Variants in MACF1 observed in about 807,000 individuals in gnomAD.
MACF1 encodes the protein microtubule actin crosslinking factor 1.
A neutral mutation model predicts 854.8 loss-of-function variants in MACF1; 193 were observed. That is an observed-to-expected ratio of 0.23 (90% CI 0.20 to 0.25). MACF1 has a LOEUF of 0.25. Among genes scored for constraint, MACF1 ranks in the 10% least tolerant of loss-of-function variants. The pLI is 1.00. For missense variants in MACF1, 7,722 were observed against 8,929.1 expected (o/e 0.86, Z 5.45); for synonymous variants, 3,185 against 3,226.7 (o/e 0.99, Z 0.44).
At chr1:39,349,449 GT>G (rs1377107039) in intron 41 of MACF1, 28 bp from the exon 42 acceptor site, 1 of 1,569,564 alleles carries the variant, frequency 6.4e-7, no homozygotes, top group Admixed American at 2.0e-5. Context: ...ATTACGAAAT[GT>G]CTCTTGACCC....
chr1:39,368,060 C>T, intron 49 of MACF1, 88 bp from the exon 50 acceptor site: 15 of 1,010,650 alleles, frequency 1.5e-5, no homozygotes, highest in Non-Finnish European at 2.0e-5. Context: ...AGCATTTGAC[C>T]TGGCAAGCAT....
At chr1:39,381,401 T>G (rs1478266140) in intron 55 of MACF1, among the ~76,000 whole-genome samples, 2 of 140,304 alleles carry the variant, frequency 1.4e-5, no homozygotes, top group Admixed American at 1.5e-4. Context: ...AGGGTCTTGC[T>G]CTGTCACCCA....
intron 6 of MACF1, among the ~76,000 whole-genome samples, chr1:39,274,390 C>T (rs751061970): frequency 7.2e-5 from 11 of 152,144 alleles, no homozygotes; most frequent in Non-Finnish European, 8.8e-5. Context: ...CAACCCATAA[C>T]GGATGGAAAA....
At chr1:39,356,248 C>T (rs1647554541) in intron 44 of MACF1, among the ~76,000 whole-genome samples, 2 of 152,098 alleles carry the variant, frequency 1.3e-5, no homozygotes, top group Admixed American at 1.3e-4. Context: ...ATAAAAAGTA[C>T]AAATTACTTA....
intron 2 of MACF1, among the ~76,000 whole-genome samples, chr1:39,119,758 G>T (rs1471995619): frequency 6.6e-6 from 1 of 151,820 alleles, no homozygotes. Flanking sequence ...ATCCAGTGGA[G>T]AAATTCTAAA....
intron 23 of MACF1, among the ~76,000 whole-genome samples, chr1:39,306,846 G>C (rs796689979): frequency 2.0e-5 from 3 of 148,794 alleles, no homozygotes; most frequent in African/African-American, 7.4e-5. Flanking sequence ...TAACTGGCAA[G>C]ATACATTTTT....
Position 39,432,543 on chromosome 1 carries a change from A to C in MACF1, c.17346A>C (p.Gln5782His). The change falls in exon 67 of 101, where the codon CAA becomes CAC. Residue 5782 changes from glutamine to histidine, a missense_variant. By Grantham distance (24) the Gln-to-His change is conservative. This residue lies in a region of MACF1 where 2,807 missense variants were observed against 3,235.8 expected (regional missense o/e 0.87). Transcript: ENST00000564288. Reference sequence around the variant, plus strand: ...TTTAATACGTCTATTAGTATGAGCAAGCTGCCGATGCAGAACTAGCTTGGG... The same window carrying C: ...TTTAATACGTCTATTAGTATGAGCACGCTGCCGATGCAGAACTAGCTTGGG... ...AAIQRSQQYE[Q>H]AADAELAWVA... 6.2e-7 allele frequency: 1 copy of C among 1,614,088 alleles called. No homozygotes were observed. The highest frequency in any genetic ancestry group is 1.1e-5 in the South Asian group (1 of 91,086).
chr1:39,385,531 C>T lies in MACF1; in HGVS notation c.13946C>T (p.Ser4649Phe). The T allele has an allele frequency of 6.2e-7, 1 of 1,614,142 alleles. No homozygotes were observed. Among genetic ancestry groups the T allele is most frequent in the Non-Finnish European group, 8.5e-7 (1 of 1,180,020 alleles). ...ILTGPGDVSLSTSQVQKELQS... is the reference protein window; with the variant it reads ...ILTGPGDVSLFTSQVQKELQS... ...ACAGGCCCTGGAGATGTCTCTCTGT[C>T]CACCAGCCAAGTACAGAAAGAACTC... The change falls in exon 57 of 101, where the codon TCC becomes TTC. Residue 4649 changes from serine to phenylalanine, a missense_variant. Around this residue, in one of 15 missense-constraint regions of MACF1, gnomAD observed 2,807 missense variants for 3,235.8 expected, o/e 0.87. Transcript: ENST00000564288.
intron 26 of MACF1, among the ~76,000 whole-genome samples, chr1:39,312,539 T>C (rs1422223356): frequency 1.3e-5 from 2 of 152,140 alleles, no homozygotes; most frequent in Non-Finnish European, 2.9e-5. Flanking sequence ...TTAACATTGA[T>C]ACGGGTTGAG....
chr1:39,331,243 T>C lies in MACF1; in HGVS notation c.4655T>C (p.Val1552Ala), dbSNP rs961128762. Residue 1552 changes from valine (V) to alanine (A), a missense_variant, in exon 37 of 101, where the codon GTG becomes GCG. Physicochemically the swap from Val to Ala is moderately conservative, Grantham distance 64. This residue lies in a region of MACF1 where 1,531 missense variants were observed against 1,601.6 expected (regional missense o/e 0.96). Coordinates refer to ENST00000564288, the MANE Select transcript of MACF1 (RefSeq NM_001394062.1). ...GCTGGGGTGATTGACCTAGGCACAG[T>C]GGAGATATTTCCCATCTTCAAAGCC... Reference protein sequence around the residue: ...AVAGVIDLGTVEIFPIFKAMQ... With the variant: ...AVAGVIDLGTAEIFPIFKAMQ... The C allele has an allele frequency of 6.3e-7, 1 of 1,593,090 alleles. No individual in the cohort carries two copies. Among genetic ancestry groups the C allele is most frequent in the South Asian group, 1.1e-5 (1 of 90,654 alleles).
chr1:39,384,815 C>G (rs1412827991), intron 56 of MACF1, among the ~76,000 whole-genome samples: 1 of 152,150 alleles, frequency 6.6e-6, no homozygotes, highest in African/African-American at 2.4e-5. Context: ...TATTGCATGG[C>G]AAAGCAGATG....
chr1:39,129,366 A>G (rs188516434), intron 2 of MACF1, among the ~76,000 whole-genome samples: 8 of 152,294 alleles, frequency 5.3e-5, no homozygotes, highest in Non-Finnish European at 8.8e-5. Flanking sequence ...TAAAAACATA[A>G]ATATTAAAGG....
Position 39,285,322 on chromosome 1 carries a change from A to G in MACF1, c.1285A>G (p.Asn429Asp). ...GCTGGAATTGCTGCTACAGATTGCA[A>G]ACAAAATCCAGAATGGTGCTTTGAA... ...ERLELLLQIA[N>D]KIQNGALNCE... The change falls in exon 13 of 101, where the codon AAC (asparagine) becomes GAC (aspartate). Residue 429 changes from asparagine to aspartate, a missense_variant. Around this residue, in one of 15 missense-constraint regions of MACF1, gnomAD observed 1,137 missense variants for 1,263.0 expected, o/e 0.90. Coordinates refer to ENST00000564288, the MANE Select transcript of MACF1 (RefSeq NM_001394062.1). 1.9e-6 allele frequency: 3 copies of G among 1,614,180 alleles called. No homozygotes were observed. Among genetic ancestry groups the G allele is most frequent in the Non-Finnish European group, 2.5e-6 (3 of 1,180,028 alleles).
chr1:39,216,177 C>T (rs1280976619), intron 1 of MACF1, among the ~76,000 whole-genome samples: 3 of 152,148 alleles, frequency 2.0e-5, no homozygotes, highest in Non-Finnish European at 4.4e-5. Context: ...GTGTGTCTTT[C>T]ATAAAGCTAA....
intron 2 of MACF1, among the ~76,000 whole-genome samples, chr1:39,190,775 A>C (rs958816767): frequency 2.0e-5 from 3 of 152,032 alleles, no homozygotes; most frequent in African/African-American, 7.2e-5. Context: ...CAGGTGGATC[A>C]CTTGAGGCCA....
rs758638668 is a variant in MACF1, at chr1:39,388,156, A to T, written c.15314A>T (p.Gln5105Leu). 23 of 1,614,074 alleles carry T rather than the reference A, an allele frequency of 1.4e-5. No homozygotes were observed. Among genetic ancestry groups the T allele is most frequent in the Non-Finnish European group, 1.9e-5 (23 of 1,180,044 alleles). ...CAGCAAGAGTTCCTCGAAGTTAAGC[A>T]AAGAGTGAACAGTGGTTGTGTGATG... ...VAQQEFLEVK[Q>L]RVNSGCVMME... Residue 5105 changes from glutamine to leucine, a missense_variant, in exon 58 of 101, where the codon CAA becomes CTA. Physicochemically the swap from Gln to Leu is moderately radical, Grantham distance 113. This residue lies in a region of MACF1 where 2,807 missense variants were observed against 3,235.8 expected (regional missense o/e 0.87). Coordinates refer to ENST00000564288, the MANE Select transcript of MACF1 (RefSeq NM_001394062.1).
intron 1 of MACF1, among the ~76,000 whole-genome samples, chr1:39,216,864 C>T (rs1644583051): frequency 6.6e-6 from 1 of 151,986 alleles, no homozygotes; most frequent in South Asian, 2.1e-4. Flanking sequence ...GTAATGTAGC[C>T]CCATCTCCCC....
intron 2 of MACF1, among the ~76,000 whole-genome samples, chr1:39,174,255 C>T (rs1044598542): frequency 5.3e-5 from 8 of 152,072 alleles, no homozygotes; most frequent in African/African-American, 1.9e-4. Context: ...TCTCTTTAGG[C>T]TAGAGTTTTG....
At chr1:39,454,857 A>C in intron 88 of MACF1, 52 bp from the exon 89 acceptor site, 1 of 1,487,444 alleles carries the variant, frequency 6.7e-7, no homozygotes, top group South Asian at 1.3e-5. Context: ...CTTTGGAAAC[A>C]AAGGGGGTAT....
Sources: allele counts gnomAD v4.1 joint callset (sites outside exome capture counted in the v4.1 genomes callset), GRCh38; gene constraint gnomAD v4.1.1; regional missense constraint gnomAD v4.1.1; transcripts MANE v1.5; gene names NCBI Gene and HGNC (gene_info 2026-07-23, HGNC 2026-07-21).